Variants in PNPLA1 observed in about 807,000 individuals in gnomAD.
The protein encoded by PNPLA1 is patatin like domain 1, omega-hydroxyceramide transacylase.
PNPLA1 carries 36 observed loss-of-function variants against 51.7 expected under a neutral mutation model. The observed-to-expected ratio is 0.70, with a 90% CI of 0.53 to 0.92. The LOEUF is 0.92. Among genes scored for constraint, PNPLA1 ranks in the 40% least tolerant of loss-of-function variants. PNPLA1 has a pLI of 0.00. For synonymous variants in PNPLA1, 293 were observed against 280.1 expected (o/e 1.05, Z -0.46); for missense variants, 658 against 682.5 (o/e 0.96, Z 0.40).
chr6:36,273,026 A>C (rs576807228), intron 1 of PNPLA1, among the ~76,000 whole-genome samples: 26 of 152,160 alleles, frequency 1.7e-4, no homozygotes, highest in African/African-American at 6.0e-4. Context: ...AGGCTGAGAC[A>C]GGTGGATCAG....
Position 36,297,409 on chromosome 6 carries a change from CTT to C in PNPLA1, c.775+1986_775+1987del, listed in dbSNP as rs149168884. Among the ~76,000 whole-genome samples the C allele has an allele frequency of 9.4e-3, 1,434 of 152,306 alleles. 24 individuals carry two copies. The highest frequency in any genetic ancestry group is 0.043 in the South Asian group (207 of 4,826). ...TGCAGTTGGTCTCCAGAGCCACACT[CTT>C]ATCCCCACCTGCCATCTGGGAACAG... On this transcript the variant is annotated intron_variant, in intron 5 of 8. Coordinates refer to ENST00000636260, the MANE Select transcript of PNPLA1 (RefSeq NM_001374623.1).
intron 1 of PNPLA1, among the ~76,000 whole-genome samples, chr6:36,275,930 C>T (rs958640324): frequency 1.4e-5 from 2 of 145,150 alleles, no homozygotes; most frequent in Admixed American, 6.8e-5. Context: ...GGAAATGGGA[C>T]CTTTTTTACC....
chr6:36,273,396 C>T (rs888696914), intron 1 of PNPLA1, among the ~76,000 whole-genome samples: 3 of 152,112 alleles, frequency 2.0e-5, no homozygotes, highest in Non-Finnish European at 4.4e-5. Flanking sequence ...AATGCACAGT[C>T]TTCCTTGAAT....
intron 2 of PNPLA1, among the ~76,000 whole-genome samples, chr6:36,291,787 C>T (rs576506566): frequency 2.0e-5 from 3 of 152,334 alleles, no homozygotes; most frequent in African/African-American, 7.2e-5. Context: ...CCTTCACATC[C>T]ATCCTGCCCG....
chr6:36,304,871 C>T (rs1334068782), intron 6 of PNPLA1, among the ~76,000 whole-genome samples: 1 of 152,128 alleles, frequency 6.6e-6, no homozygotes, highest in East Asian at 1.9e-4. Context: ...CTCCAGGAGA[C>T]ATTTAGCAAT....
intron 6 of PNPLA1, among the ~76,000 whole-genome samples, chr6:36,303,422 A>G (rs950441154): frequency 6.6e-6 from 1 of 152,152 alleles, no homozygotes; most frequent in South Asian, 2.1e-4. Context: ...TTTCCTTACT[A>G]CTACAGACGG....
At chr6:36,282,097 GAAGGAAGGAAGGA>G (rs1561859370) in intron 1 of PNPLA1, among the ~76,000 whole-genome samples, 2 of 130,418 alleles carry the variant, frequency 1.5e-5, no homozygotes, top group African/African-American at 6.1e-5. Flanking sequence ...AAGAAGGAAG[GAAGGAAGGAAGGA>G]AGGAAGGAAG....
intron 8 of PNPLA1, among the ~76,000 whole-genome samples, chr6:36,309,251 G>A (rs952837906): frequency 6.6e-6 from 1 of 152,312 alleles, no homozygotes; most frequent in Middle Eastern, 3.4e-3. Context: ...TGGATGACAG[G>A]TAGGTAAGGG....
chr6:36,255,780 T>C (rs1769519734), intron 1 of PNPLA1, among the ~76,000 whole-genome samples: 2 of 152,222 alleles, frequency 1.3e-5, no homozygotes, highest in Admixed American at 1.3e-4. Context: ...AAGAAATTAT[T>C]TGTAGTAGTT....
At chr6:36,311,609 C>T (rs1771410092) in intron 8 of PNPLA1, among the ~76,000 whole-genome samples, 154 bp from the exon 9 acceptor site, 1 of 152,208 alleles carries the variant, frequency 6.6e-6, no homozygotes, top group Non-Finnish European at 1.5e-5. Context: ...TTTCTCTGGG[C>T]TCGGCAAGTG....
intron 1 of PNPLA1, among the ~76,000 whole-genome samples, chr6:36,278,473 G>A (rs1031928346): frequency 3.9e-5 from 6 of 152,172 alleles, no homozygotes; most frequent in African/African-American, 1.4e-4. Context: ...ATTGTATTTA[G>A]ACCCTGGGAG....
chr6:36,261,948 C>T (rs1769658614), intron 1 of PNPLA1, among the ~76,000 whole-genome samples: 2 of 152,218 alleles, frequency 1.3e-5, no homozygotes, highest in African/African-American at 4.8e-5. Flanking sequence ...AGGGTAAACT[C>T]AGGGTGCCTT....
intron 2 of PNPLA1, among the ~76,000 whole-genome samples, chr6:36,292,403 C>T (rs1372949812): frequency 6.6e-6 from 1 of 152,128 alleles, no homozygotes; most frequent in Non-Finnish European, 1.5e-5. Context: ...CTTCCCGGCC[C>T]TCTCCCCCAC....
At chr6:36,300,751 T>A (rs1771017008) in intron 5 of PNPLA1, among the ~76,000 whole-genome samples, 1 of 152,200 alleles carries the variant, frequency 6.6e-6, no homozygotes, top group Non-Finnish European at 1.5e-5. Context: ...TCTCCCTCTA[T>A]CCTTACTGCA....
chr6:36,302,118 G>A lies in PNPLA1; in HGVS notation c.1033G>A (p.Ala345Thr), dbSNP rs1771075526. The change falls in exon 6 of 9, where the codon GCA becomes ACA. Residue 345 changes from alanine to threonine, a missense_variant. Ala to Thr is a moderately conservative substitution (Grantham distance 58). Transcript: ENST00000636260. ...LEFTCESPVS[A>T]PVSPLEQPPA... ...ATTCACATGCGAGTCACCTGTTTCAGCACCAGTCTCTCCACTTGAGCAGCC... is the reference window on the plus strand; with the variant it reads ...ATTCACATGCGAGTCACCTGTTTCAACACCAGTCTCTCCACTTGAGCAGCC... 1 of 1,614,080 alleles carries A rather than the reference G, an allele frequency of 6.2e-7. No homozygotes were observed. Among genetic ancestry groups the A allele is most frequent in the Admixed American group, 1.7e-5 (1 of 60,006 alleles).
At chr6:36,298,918 T>C (rs1770939060) in intron 5 of PNPLA1, among the ~76,000 whole-genome samples, 1 of 152,222 alleles carries the variant, frequency 6.6e-6, no homozygotes, top group South Asian at 2.1e-4. Context: ...TTTGTATTTT[T>C]AGTAGAGACA....
chr6:36,290,011 G>A (rs1770626699), intron 1 of PNPLA1, among the ~76,000 whole-genome samples: 1 of 152,144 alleles, frequency 6.6e-6, no homozygotes, highest in Admixed American at 6.5e-5. Context: ...AGGTGCCTGT[G>A]AGAATCCCAG....
At chr6:36,256,837 C>T (rs1248201612) in intron 1 of PNPLA1, among the ~76,000 whole-genome samples, 1 of 152,158 alleles carries the variant, frequency 6.6e-6, no homozygotes, top group Non-Finnish European at 1.5e-5. Flanking sequence ...AATTTATTAA[C>T]ATGCAAATGA....
At chr6:36,276,484 T>C (rs1582055093) in intron 1 of PNPLA1, among the ~76,000 whole-genome samples, 1 of 152,192 alleles carries the variant, frequency 6.6e-6, no homozygotes, top group East Asian at 1.9e-4. Context: ...GTGGTAACCT[T>C]CATTAATCCA....
Sources: gnomAD v4.1 joint callset for allele counts (sites outside exome capture counted in the v4.1 genomes callset) on GRCh38, gnomAD v4.1.1 for gene constraint, MANE v1.5 for transcripts, NCBI Gene and HGNC (gene_info 2026-07-23, HGNC 2026-07-21) for gene names.